The following SLCO1A2 variants were observed in gnomAD, a reference collection of about 807,000 sequenced individuals.
SLCO1A2 encodes the protein solute carrier organic anion transporter family member 1A2, also known as OATP-1.
A neutral mutation model predicts 69.0 loss-of-function variants in SLCO1A2; 67 were observed. The observed-to-expected ratio is 0.97, with a 90% CI of 0.80 to 1.19. The LOEUF is 1.19. SLCO1A2 is among the 50% of genes most tolerant of loss of function. The probability of loss-of-function intolerance (pLI) is 0.00; values close to 1 mark genes in which losing one functional copy is unlikely to be tolerated. For synonymous variants in SLCO1A2, 260 were observed against 265.9 expected (o/e 0.98, Z 0.22); for missense variants, 787 against 793.7 (o/e 0.99, Z 0.10).
intron 2 of SLCO1A2, among the ~76,000 whole-genome samples, chr12:21,357,853 GT>G (rs1260051079): frequency 6.6e-6 from 1 of 152,172 alleles, no homozygotes; most frequent in Admixed American, 6.6e-5. Flanking sequence ...GAAAACACAT[GT>G]TCTTGCTTAA....
intron 2 of SLCO1A2, among the ~76,000 whole-genome samples, chr12:21,323,263 T>C (rs779535703): frequency 2.0e-5 from 3 of 152,178 alleles, no homozygotes; most frequent in Non-Finnish European, 2.9e-5. Context: ...AAATAATTTT[T>C]TAATATATAC....
intron 1 of SLCO1A2, among the ~76,000 whole-genome samples, chr12:21,375,680 G>A (rs537649296): frequency 6.6e-6 from 1 of 152,186 alleles, no homozygotes; most frequent in Non-Finnish European, 1.5e-5. Flanking sequence ...TACTTCCACA[G>A]ATGAATGTTA....
chr12:21,294,638 C>T (rs768584598), intron 10 of SLCO1A2: 3 of 152,204 alleles, frequency 2.0e-5, no homozygotes, highest in Non-Finnish European at 4.4e-5. Flanking sequence ...TGCATTCAGA[C>T]TAGATCACAG....
chr12:21,313,379 T>C, intron 4 of SLCO1A2, among the ~76,000 whole-genome samples: 1 of 152,198 alleles, frequency 6.6e-6, no homozygotes, highest in East Asian at 1.9e-4. Flanking sequence ...AAGCAGGGTA[T>C]GCCAGGATTC....
intron 1 of SLCO1A2, among the ~76,000 whole-genome samples, chr12:21,391,452 T>G (rs957529404): frequency 2.0e-5 from 3 of 152,168 alleles, no homozygotes; most frequent in Non-Finnish European, 2.9e-5. Flanking sequence ...AAAGAAGAGT[T>G]GCAGGAAGGA....
At chr12:21,401,400 A>G (rs1941699836) in intron 1 of SLCO1A2, among the ~76,000 whole-genome samples, 2 of 151,834 alleles carry the variant, frequency 1.3e-5, no homozygotes, top group South Asian at 2.1e-4. Context: ...TTTAACAAAA[A>G]TGTGCAACTG....
chr12:21,364,038 G>C (rs558929253), intron 2 of SLCO1A2, among the ~76,000 whole-genome samples: 3,977 of 152,154 alleles, frequency 0.026, 79 homozygotes, highest in Non-Finnish European at 0.04. Flanking sequence ...TCCTCCCTCA[G>C]TCATTTTATG....
intron 9 of SLCO1A2, among the ~76,000 whole-genome samples, chr12:21,296,061 G>A (rs929768419): frequency 6.6e-6 from 1 of 152,056 alleles, no homozygotes; most frequent in Non-Finnish European, 1.5e-5. Flanking sequence ...ATTTCTTATA[G>A]GCAGAGATCA....
At chr12:21,358,348 C>T (rs1938539425) in intron 2 of SLCO1A2, among the ~76,000 whole-genome samples, 1 of 152,072 alleles carries the variant, frequency 6.6e-6, no homozygotes, top group African/African-American at 2.4e-5. Context: ...TTGTTTGATA[C>T]CAACCAGCAC....
intron 1 of SLCO1A2, among the ~76,000 whole-genome samples, chr12:21,389,241 G>A (rs1325004645): frequency 6.6e-6 from 1 of 152,112 alleles, no homozygotes; most frequent in Non-Finnish European, 1.5e-5. Context: ...AATTATTACA[G>A]GTACATTGTA....
intron 6 of SLCO1A2, among the ~76,000 whole-genome samples, chr12:21,303,092 G>C (rs911676591): frequency 2.0e-5 from 3 of 151,218 alleles, no homozygotes; most frequent in Non-Finnish European, 4.4e-5. Context: ...ATAGTTATTT[G>C]GTTATGGATA....
At chr12:21,314,849 C>A (rs1950677696) in intron 3 of SLCO1A2, among the ~76,000 whole-genome samples, 168 bp from the exon 4 acceptor site, 1 of 152,162 alleles carries the variant, frequency 6.6e-6, no homozygotes, top group Non-Finnish European at 1.5e-5. Context: ...ACAATCCCTG[C>A]CCCGAAGAAG....
intron 2 of SLCO1A2, among the ~76,000 whole-genome samples, chr12:21,368,564 G>A (rs1454576938): frequency 6.6e-6 from 1 of 152,008 alleles, no homozygotes; most frequent in South Asian, 2.1e-4. Context: ...TGGGATAATG[G>A]TTTCAGAGCT....
rs1436431265 is a variant in SLCO1A2, at chr12:21,267,892, A to G, written c.*1656T>C. On this transcript the variant is annotated 3_prime_UTR_variant, in exon 15 of 15. Transcript: ENST00000683939. ...AATACGATATCTCACTGCTGCAGTC[A>G]TACCTACATCAAAGTTAAACTCCCC... The G allele has an allele frequency of 6.6e-6, 1 of 152,080 alleles. No individual in the cohort carries two copies. The highest frequency in any genetic ancestry group is 6.6e-5 in the Admixed American group (1 of 15,226). The allele number at this position is 152,080 out of a possible 1,614,324, so 9.4% of individuals were successfully genotyped here.
intron 4 of SLCO1A2, among the ~76,000 whole-genome samples, chr12:21,307,768 A>G (rs1007620419): frequency 6.6e-6 from 1 of 152,224 alleles, no homozygotes; most frequent in African/African-American, 2.4e-5. Flanking sequence ...TAAATAAGGT[A>G]GTCAGAAGAA....
At chr12:21,368,841 T>A (rs962813137) in intron 2 of SLCO1A2, among the ~76,000 whole-genome samples, 11 of 152,156 alleles carry the variant, frequency 7.2e-5, no homozygotes, top group African/African-American at 2.7e-4. Flanking sequence ...TAAACTATTT[T>A]ACGATAGTGA....
intron 11 of SLCO1A2, 99 bp from the exon 12 acceptor site, chr12:21,292,435 G>C (rs1366647954): frequency 1.2e-6 from 1 of 856,308 alleles, no homozygotes; most frequent in Non-Finnish European, 1.8e-6. Flanking sequence ...GAGACTGCTT[G>C]TTCCCTTTAC....
At chr12:21,274,673 C>A in intron 13 of SLCO1A2, 87 bp from the exon 14 acceptor site, 2 of 977,138 alleles carry the variant, frequency 2.0e-6, no homozygotes, top group Non-Finnish European at 1.6e-6. Context: ...TTTATTTGTA[C>A]GGCAAAGTTT....
chr12:21,276,387 G>GACACACACACAC lies in SLCO1A2; in HGVS notation c.1611-975_1611-964dup, dbSNP rs3060629. ...CGTAGAGATGATAGAGATAAATATG[G>GACACACACACAC]ACACACACACACACACACACACACA... On this transcript the variant is annotated intron_variant, in intron 12 of 14. Transcript: ENST00000683939. Among the ~76,000 whole-genome samples, 22 of 142,000 alleles carry GACACACACACAC rather than the reference G, an allele frequency of 1.5e-4. No individual in the cohort carries two copies. The East Asian group carries it at 1.9e-3, about 12-fold the overall frequency. 93.2% of individuals were successfully genotyped at this position (142,000 alleles called of 152,430 possible). A position where few individuals can be genotyped will look rare whatever the true frequency, so the allele number is the denominator to read the frequency against.
Sources: gnomAD v4.1 joint callset for allele counts (sites outside exome capture counted in the v4.1 genomes callset) on GRCh38, gnomAD v4.1.1 for gene constraint, MANE v1.5 for transcripts, NCBI Gene and HGNC (gene_info 2026-07-23, HGNC 2026-07-21) for gene names.